Variants in GON4L observed in about 807,000 individuals in gnomAD.
The protein encoded by GON4L is GON-4-like protein.
Under a neutral mutation model 211.8 loss-of-function variants are expected in GON4L, and 87 were observed. The ratio of observed to expected loss-of-function variants is 0.41; its 90% CI spans 0.35 to 0.49. The LOEUF (loss-of-function observed/expected upper bound fraction) is 0.49. GON4L is among the 20% of genes least tolerant of loss of function. The probability of loss-of-function intolerance (pLI) is 0.15; values close to 1 mark genes in which losing one functional copy is unlikely to be tolerated. For missense variants in GON4L, 2,155 were observed against 2,659.5 expected, an observed-to-expected ratio of 0.81 and a Z score of 4.17; for synonymous variants, 875 against 962.6, an observed-to-expected ratio of 0.91 and a Z score of 1.68.
intron 6 of GON4L, 24 bp from the exon 7 acceptor site, chr1:155,816,286 T>A (rs1302629750): frequency 2.9e-6 from 3 of 1,023,362 alleles, no homozygotes; most frequent in Non-Finnish European, 4.6e-6. Context: ...ATATAAATAA[T>A]TAAGTTATCT....
chr1:155,758,855 G>T (rs897340908), intron 24 of GON4L, among the ~76,000 whole-genome samples: 1 of 152,082 alleles, frequency 6.6e-6, no homozygotes, highest in African/African-American at 2.4e-5. Flanking sequence ...CTCCAGCCTG[G>T]GTGACAGAGT....
chr1:155,831,494 T>TAAAA (rs1233569172), intron 2 of GON4L: 3 of 140,396 alleles, frequency 2.1e-5, no homozygotes, highest in African/African-American at 8.2e-5. Flanking sequence ...AATAAATAAA[T>TAAAA]AAATAAAAAG....
intron 14 of GON4L, among the ~76,000 whole-genome samples, chr1:155,779,624 C>T (rs1348019527): frequency 6.6e-6 from 1 of 151,968 alleles, no homozygotes; most frequent in South Asian, 2.1e-4. Flanking sequence ...ACAGATCTTA[C>T]CCTGACTGCA....
chr1:155,751,714 A>C, intron 31 of GON4L, 53 bp downstream of exon 31: 1 of 1,175,396 alleles, frequency 8.5e-7, no homozygotes, highest in Non-Finnish European at 1.3e-6. Flanking sequence ...TCTGTCTGTT[A>C]GTTGGCCACC....
chr1:155,817,611 C>T (rs1216495207), intron 6 of GON4L, among the ~76,000 whole-genome samples: 2 of 152,160 alleles, frequency 1.3e-5, no homozygotes, highest in Non-Finnish European at 2.9e-5. Context: ...GTGTTGGAGT[C>T]AGTCTAGTAA....
chr1:155,757,094 G>A lies in GON4L; in HGVS notation c.5398-17C>T, dbSNP rs1225724384. 1 of 1,613,910 alleles carries A rather than the reference G, an allele frequency of 6.2e-7. No individual in the cohort carries two copies. Among genetic ancestry groups the A allele is most frequent in the Admixed American group, 1.7e-5 (1 of 60,000 alleles). On this transcript the variant is annotated splice_polypyrimidine_tract_variant and intron_variant, in intron 26 of 31. Transcript: ENST00000368331. ...GCCATCAAACTGAGAAGGAGTTGGT[G>A]CTGCTGAGCACAGACACCAGGCCAA...
chr1:155,774,455 C>T (rs551620105), intron 17 of GON4L, among the ~76,000 whole-genome samples: 1 of 151,886 alleles, frequency 6.6e-6, no homozygotes. Context: ...ACTACAGGCG[C>T]GTGCCCCCAT....
At chr1:155,857,631 A>G (rs1439986719), upstream of GON4L, among the ~76,000 whole-genome samples, 1 of 152,130 alleles carries the variant, frequency 6.6e-6, no homozygotes, top group African/African-American at 2.4e-5. Context: ...CCGGAGGCTG[A>G]GGCAGGAGAA....
At chr1:155,777,530 T>C in intron 15 of GON4L, 92 bp downstream of exon 15, 1 of 933,186 alleles carries the variant, frequency 1.1e-6, no homozygotes, top group Admixed American at 1.7e-5. Context: ...AGTGAGCCGA[T>C]ATCGGGCCAC....
Position 155,753,379 on chromosome 1 carries a change from G to T in GON4L, c.5667C>A (p.Pro1889=). Residue 1889 remains proline (P), a synonymous_variant, in exon 29 of 32, where the codon CCC becomes CCA. Transcript: ENST00000368331. ...CDSKSYKSKE[P]HELVGSSPHR... ...GGGGGCTGCTGCCCACCAACTCATG[G>T]GGCTCCTTGCTCTTGTAGGATTTGC... is the stretch of plus-strand genomic sequence containing the variant. 6.2e-7 allele frequency: 1 copy of T among 1,613,630 alleles called. No individual in the cohort carries two copies.
chr1:155,807,560 T>C (rs1354324781), intron 10 of GON4L, among the ~76,000 whole-genome samples: 1 of 151,266 alleles, frequency 6.6e-6, no homozygotes, highest in Admixed American at 6.6e-5. Flanking sequence ...AAAAATTAGC[T>C]GGGCATGGTG....
intron 2 of GON4L, among the ~76,000 whole-genome samples, chr1:155,849,457 T>G (rs1255101990): frequency 6.8e-6 from 1 of 146,200 alleles, no homozygotes; most frequent in East Asian, 2.0e-4. Context: ...GGCAGGAGAA[T>G]GGCGTGAACC....
At chr1:155,829,092 C>A (rs80115265) in intron 2 of GON4L, among the ~76,000 whole-genome samples, 1,683 of 152,236 alleles carry the variant, frequency 0.011, 12 homozygotes, top group Middle Eastern at 0.027. Context: ...TGTCGCCTAG[C>A]CTGGAGTGCA....
chr1:155,747,718 C>G (rs767667929), downstream of GON4L: 27 of 1,613,876 alleles, frequency 1.7e-5, no homozygotes, highest in Non-Finnish European at 2.3e-5. Flanking sequence ...GGTGGAAGCT[C>G]TTCTCATCCT....
At chr1:155,827,594 G>A (rs967991808) in intron 2 of GON4L, among the ~76,000 whole-genome samples, 16 of 152,064 alleles carry the variant, frequency 1.1e-4, no homozygotes, top group African/African-American at 3.6e-4. Context: ...GCTGAGCTGG[G>A]AGGATGGCTT....
intron 1 of GON4L, among the ~76,000 whole-genome samples, chr1:155,855,592 T>C (rs1360019925): frequency 6.6e-6 from 1 of 152,190 alleles, no homozygotes. Flanking sequence ...CACTGAATAT[T>C]GTAGATACTC....
intron 2 of GON4L, among the ~76,000 whole-genome samples, chr1:155,842,105 C>G (rs1307016504): frequency 1.3e-5 from 2 of 152,070 alleles, no homozygotes; most frequent in Admixed American, 6.6e-5. Flanking sequence ...ACTATACCTT[C>G]CCCCCGCTCC....
intron 17 of GON4L, among the ~76,000 whole-genome samples, chr1:155,774,498 G>A (rs555400011): frequency 2.0e-5 from 3 of 151,986 alleles, no homozygotes; most frequent in Admixed American, 6.6e-5. Context: ...TAGTAGAGAC[G>A]GGGTTTCACT....
intron 2 of GON4L, among the ~76,000 whole-genome samples, chr1:155,847,132 A>C (rs1671322635): frequency 6.6e-6 from 1 of 152,222 alleles, no homozygotes; most frequent in Non-Finnish European, 1.5e-5. Context: ...TGACTCCGTG[A>C]GTTGAACACC....
Sources: gnomAD v4.1 joint callset for allele counts (sites outside exome capture counted in the v4.1 genomes callset) on GRCh38, gnomAD v4.1.1 for gene constraint, MANE v1.5 for transcripts, NCBI Gene and HGNC (gene_info 2026-07-23, HGNC 2026-07-21) for gene names.